The following ADGRL2 variants were observed in gnomAD, a reference collection of about 807,000 sequenced individuals.
ADGRL2 encodes adhesion G protein-coupled receptor L2.
A neutral mutation model predicts 157.4 loss-of-function variants in ADGRL2; 44 were observed. That is an observed-to-expected ratio of 0.28 (90% CI 0.22 to 0.36). The LOEUF (loss-of-function observed/expected upper bound fraction) is 0.36. Among genes scored for constraint, ADGRL2 ranks in the 10% least tolerant of loss-of-function variants. The pLI, the probability that ADGRL2 is intolerant of heterozygous loss-of-function variation, is 1.00. For missense variants in ADGRL2, 1,510 were observed against 1,768.9 expected (o/e 0.85, Z 2.63); for synonymous variants, 585 against 624.7 (o/e 0.94, Z 0.95).
chr1:81,440,463 A>C (rs777424341), intron 1 of ADGRL2, among the ~76,000 whole-genome samples: 1 of 152,136 alleles, frequency 6.6e-6, no homozygotes, highest in South Asian at 2.1e-4. Flanking sequence ...TAATTATGCC[A>C]TTTCTCAGAA....
At chr1:81,721,816 A>G in intron 1 of ADGRL2, 7 of 1,016,390 alleles carry the variant, frequency 6.9e-6, no homozygotes, top group Admixed American at 1.7e-5. Flanking sequence ...GTAAAGTACC[A>G]CCTGCTACTC....
chr1:81,439,837 C>T (rs2101668202), intron 1 of ADGRL2, among the ~76,000 whole-genome samples: 1 of 152,336 alleles, frequency 6.6e-6, no homozygotes, highest in African/African-American at 2.4e-5. Flanking sequence ...TACCTGCACT[C>T]AGTGGGTCCC....
At chr1:81,316,614 T>C (rs1205444004) in intron 1 of ADGRL2, among the ~76,000 whole-genome samples, 1 of 152,204 alleles carries the variant, frequency 6.6e-6, no homozygotes, top group Non-Finnish European at 1.5e-5. Flanking sequence ...ACTAACATGG[T>C]ATACGCAAGG....
At chr1:81,674,711 A>G (rs956950089) in intron 3 of ADGRL2, among the ~76,000 whole-genome samples, 1 of 152,196 alleles carries the variant, frequency 6.6e-6, no homozygotes, top group Non-Finnish European at 1.5e-5. Flanking sequence ...TTTTGTGGTA[A>G]GAGACAATGG....
At chr1:81,836,059 A>G (rs1474954377) in intron 1 of ADGRL2, among the ~76,000 whole-genome samples, 1 of 152,036 alleles carries the variant, frequency 6.6e-6, no homozygotes, top group Non-Finnish European at 1.5e-5. Flanking sequence ...AGTTATCAGG[A>G]AAATTTTGTT....
chr1:81,567,349 A>G (rs1008553178), intron 2 of ADGRL2, among the ~76,000 whole-genome samples: 5 of 152,140 alleles, frequency 3.3e-5, no homozygotes, highest in Non-Finnish European at 5.9e-5. Flanking sequence ...GCATTGGACA[A>G]CACAGGTATA....
chr1:81,324,695 C>A (rs182841149), intron 1 of ADGRL2, among the ~76,000 whole-genome samples: 2 of 151,976 alleles, frequency 1.3e-5, no homozygotes, highest in African/African-American at 4.8e-5. Flanking sequence ...GTCTGAGTAA[C>A]CTCCCTGAGC....
At chr1:81,899,573 C>T (rs1332801278) in intron 2 of ADGRL2, among the ~76,000 whole-genome samples, 3 of 152,110 alleles carry the variant, frequency 2.0e-5, no homozygotes, top group Admixed American at 6.6e-5. Context: ...ACTCTAAGCA[C>T]CGCTATTTGG....
intron 2 of ADGRL2, among the ~76,000 whole-genome samples, chr1:81,876,206 A>G (rs1247508945): frequency 6.6e-6 from 1 of 152,178 alleles, no homozygotes. Context: ...ATGCCTTGTC[A>G]AAAGTGGAAT....
intron 17 of ADGRL2, among the ~76,000 whole-genome samples, chr1:81,973,772 G>A (rs971388063): frequency 6.6e-6 from 1 of 152,142 alleles, no homozygotes; most frequent in Non-Finnish European, 1.5e-5. Flanking sequence ...CCAGTAGGTA[G>A]CAATCCCAGT....
intron 1 of ADGRL2, among the ~76,000 whole-genome samples, chr1:81,826,102 T>A (rs1482750214): frequency 1.3e-5 from 2 of 152,134 alleles, no homozygotes; most frequent in South Asian, 2.1e-4. Context: ...CTCCAGAGGA[T>A]TTTTGGTTTC....
At chr1:81,803,454 T>C (rs1326953570) in intron 1 of ADGRL2, among the ~76,000 whole-genome samples, 1 of 152,104 alleles carries the variant, frequency 6.6e-6, no homozygotes, top group Non-Finnish European at 1.5e-5. Flanking sequence ...CAATCCTCTG[T>C]TCACTCTGTG....
intron 3 of ADGRL2, among the ~76,000 whole-genome samples, chr1:81,676,353 T>G (rs1037410950): frequency 6.6e-6 from 1 of 151,978 alleles, no homozygotes; most frequent in African/African-American, 2.4e-5. Flanking sequence ...GCTGCCCAGG[T>G]TGAAGTGCAG....
At chr1:81,806,824 A>G (rs1162068414) in intron 1 of ADGRL2, among the ~76,000 whole-genome samples, 2 of 152,038 alleles carry the variant, frequency 1.3e-5, no homozygotes, top group East Asian at 3.8e-4. Context: ...TAAGAATGAA[A>G]GATAGCTTTG....
chr1:81,345,470 C>T (rs1367955323), intron 1 of ADGRL2, among the ~76,000 whole-genome samples: 2 of 152,164 alleles, frequency 1.3e-5, no homozygotes, highest in African/African-American at 2.4e-5. Context: ...TTCTTATCAC[C>T]ACAAAATCAA....
chr1:81,358,442 C>T (rs753597344), intron 1 of ADGRL2, among the ~76,000 whole-genome samples: 1 of 152,076 alleles, frequency 6.6e-6, no homozygotes. Flanking sequence ...TGATAGTGTC[C>T]TAGATTTTTG....
chr1:81,480,674 A>G (rs1168852225), intron 2 of ADGRL2, among the ~76,000 whole-genome samples: 2 of 152,218 alleles, frequency 1.3e-5, no homozygotes, highest in Admixed American at 1.3e-4. Context: ...ATGAGCTAGC[A>G]TTCACTTATA....
chr1:81,876,526 T>G (rs2093845598), intron 2 of ADGRL2, among the ~76,000 whole-genome samples: 1 of 152,140 alleles, frequency 6.6e-6, no homozygotes, highest in Admixed American at 6.6e-5. Context: ...ACTAGAGAAA[T>G]CCCTGATTTG....
chr1:81,918,920 CT>C (rs1305348532), intron 3 of ADGRL2, among the ~76,000 whole-genome samples: 1 of 151,880 alleles, frequency 6.6e-6, no homozygotes, highest in Non-Finnish European at 1.5e-5. Context: ...ACTTTGGTAT[CT>C]AATTTTCTAT....
Sources: allele counts gnomAD v4.1 joint callset (sites outside exome capture counted in the v4.1 genomes callset), GRCh38; gene constraint gnomAD v4.1.1; transcripts MANE v1.5; gene names NCBI Gene and HGNC (gene_info 2026-07-23, HGNC 2026-07-21).